The following CABIN1 variants were observed in gnomAD, a reference collection of about 807,000 sequenced individuals.
CABIN1 encodes calcineurin-binding protein cabin-1.
CABIN1 carries 133 observed loss-of-function variants against 227.7 expected under a neutral mutation model. The ratio of observed to expected loss-of-function variants is 0.58; its 90% CI spans 0.51 to 0.67. The LOEUF is 0.67. Among genes scored for constraint, CABIN1 ranks in the 30% least tolerant of loss-of-function variants. CABIN1 has a pLI of 0.00. For missense variants in CABIN1, 2,408 were observed against 2,852.5 expected (o/e 0.84, Z 3.55); for synonymous variants, 1,086 against 1,155.1 (o/e 0.94, Z 1.21).
In CABIN1 at chr22:24,168,502, G is replaced by A; in HGVS notation, c.5738G>A (p.Gly1913Glu). The change falls in exon 33 of 37, where the codon GGG becomes GAG. Residue 1913 changes from glycine to glutamate, a missense_variant. Gly to Glu is a moderately conservative substitution (Grantham distance 98). Transcript: ENST00000263119. The part of the protein sequence containing the change: ...QAVKFCQVHL[G>E]AAAQRQASGD... Reference sequence around the variant, plus strand: ...GTGAAGTTCTGCCAGGTCCATCTTGGGGCTGCCGCCCAGAGACAGGTAAGC... The same window carrying A: ...GTGAAGTTCTGCCAGGTCCATCTTGAGGCTGCCGCCCAGAGACAGGTAAGC... 6.4e-7 allele frequency: 1 copy of A among 1,562,064 alleles called. No homozygotes were observed. The highest frequency in any genetic ancestry group is 8.7e-7 in the Non-Finnish European group (1 of 1,152,992).
intron 29 of CABIN1, among the ~76,000 whole-genome samples, chr22:24,135,113 A>G (rs1393786058): frequency 1.4e-5 from 2 of 138,964 alleles, no homozygotes; most frequent in Non-Finnish European, 3.1e-5. Flanking sequence ...AATGTGGCTT[A>G]GGCACAGTGG....
chr22:24,142,895 C>G (rs1298816415), intron 29 of CABIN1, among the ~76,000 whole-genome samples: 1 of 152,134 alleles, frequency 6.6e-6, no homozygotes, highest in East Asian at 1.9e-4. Context: ...CAAGTCAGTC[C>G]CATATCACCT....
At chr22:24,133,095 G>C (rs2044169787) in intron 28 of CABIN1, among the ~76,000 whole-genome samples, 1 of 152,140 alleles carries the variant, frequency 6.6e-6, no homozygotes, top group Admixed American at 6.5e-5. Flanking sequence ...TTCCCCTCAG[G>C]GTGGGGCAGG....
intron 29 of CABIN1, among the ~76,000 whole-genome samples, chr22:24,158,977 G>A (rs2045994963): frequency 6.6e-6 from 1 of 152,172 alleles, no homozygotes; most frequent in African/African-American, 2.4e-5. Flanking sequence ...CAGGATTTGT[G>A]GGTTTTACCT....
intron 28 of CABIN1, among the ~76,000 whole-genome samples, chr22:24,129,913 A>T (rs1474125630): frequency 6.6e-6 from 1 of 152,048 alleles, no homozygotes; most frequent in East Asian, 1.9e-4. Context: ...CATGGAGCTG[A>T]CTCTTGCCCT....
Position 24,172,211 on chromosome 22 carries a change from C to G in CABIN1, c.6040+216C>G, listed in dbSNP as rs374156166. On this transcript the variant is annotated intron_variant, in intron 34 of 36. Coordinates refer to ENST00000263119, the MANE Select transcript of CABIN1 (RefSeq NM_012295.4). ...ACATCCTACATCTACCACTCTTAAC[C>G]TAACCCTGGGTGCCTCAGTCTGTGA... Among the ~76,000 whole-genome samples the G allele has an allele frequency of 5.9e-4, 90 of 152,364 alleles. 1 individual carries two copies. The South Asian group carries it at 0.018, about 30-fold the overall frequency.
At chr22:24,130,522 C>T (rs967134879) in intron 28 of CABIN1, among the ~76,000 whole-genome samples, 3 of 152,144 alleles carry the variant, frequency 2.0e-5, no homozygotes, top group African/African-American at 7.2e-5. Context: ...ACCCAGGAGG[C>T]ATCATGTTGC....
intron 27 of CABIN1, among the ~76,000 whole-genome samples, chr22:24,117,163 G>T (rs1261056215): frequency 6.6e-6 from 1 of 152,106 alleles, no homozygotes; most frequent in African/African-American, 2.4e-5. Flanking sequence ...TCTCTCCGGG[G>T]CCCCTTAGGC....
intron 30 of CABIN1, 112 bp from the exon 31 acceptor site, chr22:24,165,418 G>C: frequency 1.0e-6 from 1 of 987,588 alleles, no homozygotes; most frequent in South Asian, 1.4e-5. Flanking sequence ...GTGGAACACT[G>C]AGGAACAAAC....
At chr22:24,027,677 T>G (rs2036192535) in intron 1 of CABIN1, among the ~76,000 whole-genome samples, 1 of 152,280 alleles carries the variant, frequency 6.6e-6, no homozygotes. Context: ...AAGGATGGGC[T>G]TGTTACAGAA....
intron 29 of CABIN1, 37 bp from the exon 30 acceptor site, chr22:24,164,363 C>A: frequency 6.3e-7 from 1 of 1,599,302 alleles, no homozygotes. Flanking sequence ...CCTGCCACAA[C>A]CACCCCCCTC....
chr22:24,150,997 A>C (rs1284205085), intron 29 of CABIN1, among the ~76,000 whole-genome samples: 1 of 152,178 alleles, frequency 6.6e-6, no homozygotes, highest in Admixed American at 6.5e-5. Context: ...AAGCATGGGC[A>C]AGTTTGTTCC....
intron 29 of CABIN1, among the ~76,000 whole-genome samples, chr22:24,147,518 C>T (rs963208480): frequency 2.7e-5 from 4 of 150,870 alleles, no homozygotes; most frequent in African/African-American, 7.3e-5. Context: ...TGCGTGATCA[C>T]AGCTCACTAA....
intron 33 of CABIN1, among the ~76,000 whole-genome samples, chr22:24,169,386 G>A (rs1436603144): frequency 2.0e-5 from 3 of 152,136 alleles, no homozygotes; most frequent in Non-Finnish European, 2.9e-5. Flanking sequence ...CTGCCTTTGG[G>A]GTCCAGACGG....
chr22:24,056,497 C>A, intron 10 of CABIN1, 137 bp downstream of exon 10: 4 of 860,884 alleles, frequency 4.6e-6, no homozygotes, highest in Non-Finnish European at 7.4e-6. Flanking sequence ...GTGCAGATGT[C>A]TGAAGCACAA....
chr22:24,138,948 A>G (rs2044581060), intron 29 of CABIN1, among the ~76,000 whole-genome samples: 1 of 152,188 alleles, frequency 6.6e-6, no homozygotes, highest in Non-Finnish European at 1.5e-5. Flanking sequence ...CCCACAATCA[A>G]ATTAGAGTCC....
intron 17 of CABIN1, 43 bp from the exon 18 acceptor site, chr22:24,072,310 AC>A (rs1275077732): frequency 1.9e-6 from 3 of 1,612,556 alleles, no homozygotes; most frequent in Non-Finnish European, 1.7e-6. Flanking sequence ...CTGAAGGCTT[AC>A]CCTGCTGTGA....
In CABIN1 at chr22:24,165,612, A is replaced by T. The variant is rs1334333803; in HGVS notation, c.4993A>T (p.Ser1665Cys). The change falls in exon 31 of 37, where the codon AGC becomes TGC. Residue 1665 changes from serine (S) to cysteine (C), a missense_variant. By Grantham distance (112) the Ser-to-Cys change is moderately radical. Transcript: ENST00000263119. ...LTVKVLEDTL[S>C]ELAEGSERPG... ...TGTGAAGGTGCTCGAAGACACGCTGAGCGAGCTCGCAGAGGTATGCCACCT... is the reference window on the plus strand; with the variant it reads ...TGTGAAGGTGCTCGAAGACACGCTGTGCGAGCTCGCAGAGGTATGCCACCT... The T allele has an allele frequency of 6.2e-7, 1 of 1,612,724 alleles. No homozygotes were observed. Among genetic ancestry groups the T allele is most frequent in the South Asian group, 1.1e-5 (1 of 90,932 alleles).
At chr22:24,105,207 T>C (rs905687555) in intron 26 of CABIN1, among the ~76,000 whole-genome samples, 19 of 152,286 alleles carry the variant, frequency 1.2e-4, no homozygotes, top group Non-Finnish European at 1.2e-4. Context: ...CGTTGCCAGC[T>C]GTCATTCCTT....
Sources: allele counts gnomAD v4.1 joint callset (sites outside exome capture counted in the v4.1 genomes callset), GRCh38; gene constraint gnomAD v4.1.1; transcripts MANE v1.5; gene names NCBI Gene and HGNC (gene_info 2026-07-23, HGNC 2026-07-21).